CAST: variants seen among roughly 807,000 people sequenced by gnomAD.
CAST encodes calpastatin.
In CAST, 76 loss-of-function variants were observed where a neutral mutation model predicts 119.6. That is an observed-to-expected ratio of 0.64 (90% CI 0.53 to 0.77). CAST has a LOEUF of 0.77. CAST is among the 30% of genes least tolerant of loss of function. CAST has a pLI of 0.00. For missense variants in CAST, 953 were observed against 946.5 expected, an observed-to-expected ratio of 1.01 and a Z score of -0.09; for synonymous variants, 319 against 331.6, an observed-to-expected ratio of 0.96 and a Z score of 0.41.
the CAST span, among the ~76,000 whole-genome samples, chr5:96,409,239 C>T: frequency 3.1e-3 from 469 of 152,226 alleles, no homozygotes; most frequent in Non-Finnish European, 5.9e-3. Context: ...CACCCAGGCT[C>T]CAGCACCGAA....
chr5:96,219,614 T>C, the CAST span, among the ~76,000 whole-genome samples: 881 of 152,186 alleles, frequency 5.8e-3, 10 homozygotes, highest in African/African-American at 0.019. Flanking sequence ...AAGGCTTCAG[T>C]GAGCCATGTT....
the CAST span, among the ~76,000 whole-genome samples, chr5:96,306,566 G>A: frequency 6.6e-6 from 1 of 152,062 alleles, no homozygotes; most frequent in Non-Finnish European, 1.5e-5. Flanking sequence ...GATCTTTCCT[G>A]CTTTCCCTTA....
the CAST span, among the ~76,000 whole-genome samples, chr5:96,083,301 A>G: frequency 6.6e-6 from 1 of 152,256 alleles, no homozygotes. Context: ...AGCACGGTTT[A>G]TGATGGTTTA....
At chr5:96,465,820 C>G in the CAST span, among the ~76,000 whole-genome samples, 1 of 152,142 alleles carries the variant, frequency 6.6e-6, no homozygotes, top group Non-Finnish European at 1.5e-5. Flanking sequence ...CTCATTATTA[C>G]TGGATTCTCA....
In CAST at chr5:96,732,037, C is replaced by G. The variant is rs530732073; in HGVS notation, c.630+1177C>G. On this transcript the variant is annotated intron_variant, in intron 9 of 31. Coordinates refer to ENST00000675179, the MANE Select transcript of CAST (RefSeq NM_001750.7). ...ATACCCAGTAATGGGATGGCTAGGTCAAATGGTATTTCTAGTTCTAGATCC... is the reference window on the plus strand; with the variant it reads ...ATACCCAGTAATGGGATGGCTAGGTGAAATGGTATTTCTAGTTCTAGATCC... Among the ~76,000 whole-genome samples, 176 of 151,542 alleles carry G rather than the reference C, an allele frequency of 1.2e-3. 1 individual carries two copies. Among genetic ancestry groups the G allele is most frequent in the African/African-American group, 4.1e-3 (168 of 41,222 alleles).
the CAST span, among the ~76,000 whole-genome samples, chr5:96,219,553 C>A: frequency 6.6e-6 from 1 of 152,192 alleles, no homozygotes; most frequent in Non-Finnish European, 1.5e-5. Context: ...TGCCTGTAAT[C>A]CCAGCACTTC....
chr5:96,622,986 C>T (rs1747648905), intron 1 of CAST, among the ~76,000 whole-genome samples: 1 of 149,986 alleles, frequency 6.7e-6, no homozygotes, highest in Non-Finnish European at 1.5e-5. Flanking sequence ...GCTTCAGCCT[C>T]CTGAGTAGCT....
At chr5:96,410,264 G>A in the CAST span, among the ~76,000 whole-genome samples, 3 of 152,156 alleles carry the variant, frequency 2.0e-5, no homozygotes, top group Non-Finnish European at 4.4e-5. Flanking sequence ...TTACCCAGAT[G>A]CTGAGCAGTT....
At chr5:96,210,750 A>G in the CAST span, among the ~76,000 whole-genome samples, 1 of 152,050 alleles carries the variant, frequency 6.6e-6, no homozygotes, top group Non-Finnish European at 1.5e-5. Flanking sequence ...ATTGGATTAA[A>G]CCTATATATC....
the CAST span, among the ~76,000 whole-genome samples, chr5:95,980,930 T>C: frequency 6.3e-3 from 961 of 152,194 alleles, 34 homozygotes; most frequent in Admixed American, 0.059. Context: ...GAACATGCCA[T>C]GGTGCTGCCA....
the CAST span, among the ~76,000 whole-genome samples, chr5:96,515,509 C>A: frequency 6.6e-6 from 1 of 152,026 alleles, no homozygotes; most frequent in Non-Finnish European, 1.5e-5. Context: ...GTATTCACGT[C>A]CAATATCTTC....
chr5:96,508,258 T>C, the CAST span, among the ~76,000 whole-genome samples: 2 of 152,160 alleles, frequency 1.3e-5, no homozygotes, highest in African/African-American at 4.8e-5. Flanking sequence ...ATTCTAATCC[T>C]GACTCTGTCC....
intron 1 of CAST, among the ~76,000 whole-genome samples, chr5:96,582,499 T>G (rs570582784): frequency 6.6e-6 from 1 of 152,198 alleles, no homozygotes; most frequent in African/African-American, 2.4e-5. Flanking sequence ...AGCATATGGA[T>G]AAGTGACTCG....
the CAST span, among the ~76,000 whole-genome samples, chr5:96,034,380 T>C: frequency 1.8e-4 from 27 of 150,620 alleles, no homozygotes; most frequent in African/African-American, 6.4e-4. Flanking sequence ...GTACAGCCAT[T>C]ATGGAAAACA....
At chr5:95,987,673 T>TGAGCC in the CAST span, among the ~76,000 whole-genome samples, 95 of 152,322 alleles carry the variant, frequency 6.2e-4, no homozygotes, top group African/African-American at 2.2e-3. Flanking sequence ...TCTCTGAGCC[T>TGAGCC]TAGTTTCTCT....
At chr5:96,371,728 G>A in the CAST span, among the ~76,000 whole-genome samples, 2 of 152,072 alleles carry the variant, frequency 1.3e-5, no homozygotes, top group African/African-American at 4.8e-5. Flanking sequence ...TATGAAAAAG[G>A]AATTTTGATC....
chr5:96,516,971 G>A, the CAST span, among the ~76,000 whole-genome samples: 3 of 152,168 alleles, frequency 2.0e-5, no homozygotes, highest in African/African-American at 7.2e-5. Flanking sequence ...TGTTTCCAGT[G>A]TGCACACTAG....
the CAST span, among the ~76,000 whole-genome samples, chr5:96,497,079 C>T: frequency 7.1e-6 from 1 of 140,050 alleles, no homozygotes; most frequent in East Asian, 2.1e-4. Context: ...TCTCATTGTT[C>T]AATTCCCACC....
intron 1 of CAST, among the ~76,000 whole-genome samples, chr5:96,628,657 C>T (rs1747767385): frequency 6.6e-6 from 1 of 152,148 alleles, no homozygotes; most frequent in Admixed American, 6.5e-5. Flanking sequence ...CACCACCCAC[C>T]CCTACCTCCT....
Sources: gnomAD v4.1 joint callset for allele counts (sites outside exome capture counted in the v4.1 genomes callset) on GRCh38, gnomAD v4.1.1 for gene constraint, MANE v1.5 for transcripts, NCBI Gene and HGNC (gene_info 2026-07-23, HGNC 2026-07-21) for gene names.